ASIC2: variants seen among roughly 807,000 people sequenced by gnomAD.
ASIC2 encodes the protein acid-sensing ion channel 2.
A neutral mutation model predicts 57.3 loss-of-function variants in ASIC2; 25 were observed. The observed-to-expected ratio is 0.44, with a 90% CI of 0.32 to 0.61. The LOEUF (loss-of-function observed/expected upper bound fraction) is 0.61, where lower values mean the gene tolerates loss of function less well. Ranked by LOEUF, ASIC2 falls within the 20% of genes least tolerant of loss-of-function variation. The probability of loss-of-function intolerance (pLI) is 0.06; values close to 1 mark genes in which losing one functional copy is unlikely to be tolerated. For missense variants in ASIC2, 641 were observed against 738.1 expected, an observed-to-expected ratio of 0.87 and a Z score of 1.52; for synonymous variants, 319 against 307.5, an observed-to-expected ratio of 1.04 and a Z score of -0.39.
chr17:34,023,281 C>G (rs189159439), intron 1 of ASIC2, among the ~76,000 whole-genome samples: 5 of 152,116 alleles, frequency 3.3e-5, no homozygotes, highest in Admixed American at 2.6e-4. Flanking sequence ...TTCTATTTGT[C>G]TCTTTCCTAA....
At position 33,291,558 on chromosome 17, in the gene ASIC2, G is replaced by A; in HGVS notation, c.558C>T (p.Arg186=). Residue 186 remains arginine (R), a synonymous_variant, in exon 1 of 10, where the codon CGC becomes CGT. Coordinates refer to ENST00000225823, the MANE Select transcript of ASIC2 (RefSeq NM_183377.2). The stretch of plus-strand genomic sequence containing the variant: ...GGAAGAGGCGGAAGTCCGCCAGCTT[G>A]CGGAACCACTGGCGGCGCGGCTCGT... ...RGDEPRRQWF[R]KLADFRLFLP... is the part of the protein sequence containing the mutation. The A allele has an allele frequency of 6.2e-7, 1 of 1,611,856 alleles. No individual in the cohort carries two copies.
At chr17:34,134,047 A>C (rs751806824) in intron 1 of ASIC2, among the ~76,000 whole-genome samples, 29 of 152,204 alleles carry the variant, frequency 1.9e-4, no homozygotes, top group African/African-American at 6.8e-4. Context: ...TACCAAGTTC[A>C]CATAGCTGAT....
chr17:33,614,951 A>G (rs989519617), intron 1 of ASIC2, among the ~76,000 whole-genome samples: 2 of 152,202 alleles, frequency 1.3e-5, no homozygotes, highest in African/African-American at 4.8e-5. Context: ...TAATAATAGC[A>G]TCCACTTCAT....
intron 1 of ASIC2, among the ~76,000 whole-genome samples, chr17:33,255,281 C>A (rs547559198): frequency 3.3e-5 from 5 of 151,906 alleles, no homozygotes; most frequent in Non-Finnish European, 7.4e-5. Context: ...CTCAAATGAT[C>A]CACTCACCTC....
rs752826241 is a variant in ASIC2, at chr17:33,047,159, T to C, written c.988-18767A>G. 1.1e-3 allele frequency among the ~76,000 whole-genome samples: 162 copies of C among 152,224 alleles called. 1 individual carries two copies. Among genetic ancestry groups the C allele is most frequent in the Admixed American group, 4.6e-4 (7 of 15,288 alleles). ...TGGATGCTTACAGGCATAAAACATG[T>C]GTGGCTTTTATGGGATTCTGCCAGG... is the stretch of plus-strand genomic sequence containing the variant. On this transcript the variant is annotated intron_variant, in intron 3 of 9. Coordinates refer to ENST00000225823, the MANE Select transcript of ASIC2 (RefSeq NM_183377.2).
intron 1 of ASIC2, among the ~76,000 whole-genome samples, chr17:33,874,626 T>C (rs1197087263): frequency 6.6e-6 from 1 of 152,238 alleles, no homozygotes; most frequent in African/African-American, 2.4e-5. Flanking sequence ...ACTGAGCTGC[T>C]AGATGGTAAC....
chr17:33,346,453 G>A (rs1193445857), intron 1 of ASIC2, among the ~76,000 whole-genome samples: 2 of 152,030 alleles, frequency 1.3e-5, no homozygotes, highest in Admixed American at 6.6e-5. Flanking sequence ...AGAAAGAATC[G>A]GGTGGGGTGG....
chr17:33,614,616 A>G (rs1905534054), intron 1 of ASIC2, among the ~76,000 whole-genome samples: 1 of 152,224 alleles, frequency 6.6e-6, no homozygotes, highest in Non-Finnish European at 1.5e-5. Flanking sequence ...TTTTCTGATT[A>G]AAAAAATACC....
At chr17:33,692,125 C>G (rs1403670285) in intron 1 of ASIC2, 1 of 152,108 alleles carries the variant, frequency 6.6e-6, no homozygotes, top group East Asian at 1.9e-4. Context: ...ATTCTACACA[C>G]CATACTCAAT....
chr17:33,263,890 G>A (rs867415375), intron 1 of ASIC2, among the ~76,000 whole-genome samples: 1 of 152,206 alleles, frequency 6.6e-6, no homozygotes, highest in Non-Finnish European at 1.5e-5. Context: ...ACATGATACC[G>A]GCTAAGTATC....
intron 1 of ASIC2, among the ~76,000 whole-genome samples, chr17:33,261,431 G>A (rs1909276177): frequency 6.6e-6 from 1 of 152,182 alleles, no homozygotes; most frequent in East Asian, 1.9e-4. Flanking sequence ...GGAAATAGGG[G>A]AAACTGCAAG....
intron 1 of ASIC2, among the ~76,000 whole-genome samples, chr17:33,576,373 T>C (rs1284395160): frequency 1.3e-5 from 2 of 152,210 alleles, no homozygotes; most frequent in Non-Finnish European, 1.5e-5. Flanking sequence ...AATTCAGGTA[T>C]AGATGTGACT....
At position 33,036,410 on chromosome 17, in the gene ASIC2, G is replaced by A. The variant is rs1459809912; in HGVS notation, c.988-8018C>T. Reference sequence around the variant, plus strand: ...GAGGGATGGAGAAACCCTCCATGGAGCACTTTTCAGACATTATTTATTTAA... The same window carrying A: ...GAGGGATGGAGAAACCCTCCATGGAACACTTTTCAGACATTATTTATTTAA... On this transcript the variant is annotated intron_variant, in intron 3 of 9. Transcript: ENST00000225823. Among the ~76,000 whole-genome samples, 5 of 152,038 alleles carry A rather than the reference G, an allele frequency of 3.3e-5. No homozygotes were observed. The East Asian group carries it at 9.7e-4, about 29-fold the overall frequency.
chr17:34,016,410 C>T (rs1389605659), intron 1 of ASIC2, among the ~76,000 whole-genome samples: 6 of 118,380 alleles, frequency 5.1e-5, no homozygotes, highest in South Asian at 5.1e-4. Context: ...GACGAAAGAG[C>T]GAGACTCCGT....
intron 1 of ASIC2, among the ~76,000 whole-genome samples, chr17:33,506,238 CAAAAA>C (rs533194191): frequency 8.8e-6 from 1 of 114,136 alleles, no homozygotes; most frequent in African/African-American, 3.2e-5. Context: ...ACTAAAAATA[CAAAAA>C]AAAAAAAAAA....
chr17:34,156,572 C>A lies in ASIC2; in HGVS notation c.-40G>T. The A allele has an allele frequency of 2.6e-6, 4 of 1,532,934 alleles. No individual in the cohort carries two copies. The South Asian group carries it at 3.8e-5, about 15-fold the overall frequency. The allele number at this position is 1,532,934 out of a possible 1,614,324, so 95.0% of individuals were successfully genotyped here. On this transcript the variant is annotated 5_prime_UTR_variant, in exon 1 of 10. Transcript: ENST00000359872. The surrounding 1 kb of genome is among the most constrained non-coding windows in gnomAD (Gnocchi z 4.4). ...GTTCCGCAACTGGCTTCAGGTTGATCGAATTTCAGAGAAGAGCTCCCAGTC... is the reference window on the plus strand; with the variant it reads ...GTTCCGCAACTGGCTTCAGGTTGATAGAATTTCAGAGAAGAGCTCCCAGTC...
intron 1 of ASIC2, among the ~76,000 whole-genome samples, chr17:33,229,242 G>A (rs1908000331): frequency 6.6e-6 from 1 of 152,184 alleles, no homozygotes; most frequent in South Asian, 2.1e-4. Context: ...ATGGAACAGA[G>A]CTGATAAGCC....
chr17:33,602,750 C>T (rs1905141255), intron 1 of ASIC2, among the ~76,000 whole-genome samples: 1 of 152,226 alleles, frequency 6.6e-6, no homozygotes, highest in Non-Finnish European at 1.5e-5. Flanking sequence ...AGGACCTTTG[C>T]ATGGACTGGT....
intron 3 of ASIC2, among the ~76,000 whole-genome samples, chr17:33,084,393 C>A (rs1417078485): frequency 6.6e-6 from 1 of 152,178 alleles, no homozygotes; most frequent in East Asian, 1.9e-4. Flanking sequence ...GCCAGCCAGT[C>A]CCTCCCTGGA....
Sources: allele counts gnomAD v4.1 joint callset (sites outside exome capture counted in the v4.1 genomes callset), GRCh38; gene constraint gnomAD v4.1.1; non-coding constraint Gnocchi (gnomAD v3.1); transcripts MANE v1.5; gene names NCBI Gene and HGNC (gene_info 2026-07-23, HGNC 2026-07-21).